The following MDH1B variants were observed in gnomAD, a reference collection of about 807,000 sequenced individuals.
MDH1B encodes malate dehydrogenase 1B.
MDH1B carries 60 observed loss-of-function variants against 61.4 expected under a neutral mutation model. The observed-to-expected ratio is 0.98, with a 90% CI of 0.79 to 1.21. MDH1B has a LOEUF of 1.21. Among genes scored for constraint, MDH1B ranks in the 50% most tolerant of loss-of-function variants. MDH1B has a pLI of 0.00. For missense variants in MDH1B, 587 were observed against 632.1 expected, an observed-to-expected ratio of 0.93 and a Z score of 0.76; for synonymous variants, 236 against 218.7, an observed-to-expected ratio of 1.08 and a Z score of -0.70.
At chr2:206,757,487 A>C (rs374440591) in intron 2 of MDH1B, 116 bp from the exon 3 acceptor site, 7 of 802,612 alleles carry the variant, frequency 8.7e-6, no homozygotes, top group Non-Finnish European at 1.3e-5. Flanking sequence ...CTATATACAC[A>C]TAATATAATT....
At chr2:206,738,828 T>C (rs1687642388) in intron 11 of MDH1B, among the ~76,000 whole-genome samples, 1 of 152,182 alleles carries the variant, frequency 6.6e-6, no homozygotes, top group East Asian at 1.9e-4. Context: ...TTGCTGCTCC[T>C]CTATGTACCA....
intron 2 of MDH1B, among the ~76,000 whole-genome samples, chr2:206,759,490 G>A (rs111363870): frequency 9.1e-4 from 139 of 152,232 alleles, no homozygotes; most frequent in African/African-American, 3.2e-3. Context: ...ATTTTCAGGG[G>A]TATATACACA....
chr2:206,741,459 G>A, intron 9 of MDH1B: 1 of 264,364 alleles, frequency 3.8e-6, no homozygotes, highest in Non-Finnish European at 7.4e-6. Flanking sequence ...TAATCTGGTG[G>A]GCACAATCTA....
chr2:206,755,583 C>T, intron 4 of MDH1B, 78 bp from the exon 5 acceptor site: 1 of 1,493,670 alleles, frequency 6.7e-7, no homozygotes, highest in Non-Finnish European at 9.0e-7. Flanking sequence ...ATAGATATTT[C>T]TGCATGTGCA....
Position 206,749,104 on chromosome 2 carries a change from C to T in MDH1B, c.1132G>A (p.Ala378Thr). 1 of 1,613,544 alleles carries T rather than the reference C, an allele frequency of 6.2e-7. No individual in the cohort carries two copies. The highest frequency in any genetic ancestry group is 8.5e-7 in the Non-Finnish European group (1 of 1,179,458). Residue 378 changes from alanine to threonine, a missense_variant, in exon 7 of 12, where the codon GCA becomes ACA. By Grantham distance (58) the Ala-to-Thr change is moderately conservative. Coordinates refer to ENST00000374412, the MANE Select transcript of MDH1B (RefSeq NM_001039845.3). ...TGRQFGGILAAHSIATTLKYW... is the reference protein window; with the variant it reads ...TGRQFGGILATHSIATTLKYW... The stretch of plus-strand genomic sequence containing the variant: ...TTCAGTGTAGTGGCTATACTGTGTG[C>T]AGCCAAAATGCCTCCAAATTGTCTT...
intron 2 of MDH1B, among the ~76,000 whole-genome samples, chr2:206,758,041 C>G (rs936537091): frequency 6.6e-5 from 10 of 152,284 alleles, no homozygotes; most frequent in African/African-American, 2.2e-4. Context: ...AAACTGATTT[C>G]CTTGCTAATA....
At chr2:206,752,376 C>G (rs12996969) in intron 5 of MDH1B, among the ~76,000 whole-genome samples, 67,662 of 151,984 alleles carry the variant, frequency 0.45, 15,830 homozygotes, top group Non-Finnish European at 0.52. Flanking sequence ...CAGAAGAGAG[C>G]AGGAAACAGA....
chr2:206,761,994 T>C (rs1689123548), intron 1 of MDH1B, among the ~76,000 whole-genome samples: 1 of 152,144 alleles, frequency 6.6e-6, no homozygotes, highest in Non-Finnish European at 1.5e-5. Context: ...CTGGATGAAC[T>C]CAATTACTTG....
intron 2 of MDH1B, among the ~76,000 whole-genome samples, chr2:206,759,392 C>T (rs1366712528): frequency 6.6e-6 from 1 of 152,088 alleles, no homozygotes; most frequent in Admixed American, 6.5e-5. Flanking sequence ...CATTGATAGG[C>T]ATTTGGGTTG....
intron 11 of MDH1B, among the ~76,000 whole-genome samples, chr2:206,738,836 C>T (rs1682168853): frequency 6.6e-6 from 1 of 152,100 alleles, no homozygotes; most frequent in Admixed American, 6.5e-5. Flanking sequence ...CCTCTATGTA[C>T]CAATTCTAAT....
At chr2:206,753,358 T>C (rs1020191214) in intron 5 of MDH1B, among the ~76,000 whole-genome samples, 1 of 152,116 alleles carries the variant, frequency 6.6e-6, no homozygotes, top group Non-Finnish European at 1.5e-5. Context: ...CATGGCTCAC[T>C]TGCAGCCTCA....
At chr2:206,748,913 G>A in intron 7 of MDH1B, 107 bp downstream of exon 7, 3 of 872,418 alleles carry the variant, frequency 3.4e-6, no homozygotes, top group Non-Finnish European at 5.3e-6. Context: ...AGTCCAGGCA[G>A]CTAATGGACC....
At chr2:206,761,052 G>T in intron 1 of MDH1B, 39 bp from the exon 2 acceptor site, 1 of 1,112,130 alleles carries the variant, frequency 9.0e-7, no homozygotes, top group Non-Finnish European at 1.4e-6. Flanking sequence ...CTTTCATCAT[G>T]CAGAAATTAT....
intron 5 of MDH1B, among the ~76,000 whole-genome samples, chr2:206,752,827 CT>C (rs1252081624): frequency 7.2e-6 from 1 of 139,180 alleles, no homozygotes; most frequent in African/African-American, 2.7e-5. Context: ...CATCCTGATT[CT>C]TCTTTAAATA....
chr2:206,763,287 C>T (rs550370313), intron 1 of MDH1B, among the ~76,000 whole-genome samples: 31 of 150,508 alleles, frequency 2.1e-4, no homozygotes, highest in African/African-American at 7.3e-4. Context: ...ATTATTCAAA[C>T]CTCTGCTTGG....
chr2:206,755,801 C>T (rs985854465), intron 4 of MDH1B, among the ~76,000 whole-genome samples: 5 of 151,944 alleles, frequency 3.3e-5, no homozygotes, highest in African/African-American at 9.7e-5. Flanking sequence ...AATAAAAAAA[C>T]TATTATATTA....
At chr2:206,746,136 A>G (rs1479261794) in intron 8 of MDH1B, 151 bp downstream of exon 8, 1 of 576,260 alleles carries the variant, frequency 1.7e-6, no homozygotes, top group Admixed American at 3.6e-5. Flanking sequence ...GTGTTCCTTC[A>G]CTGATTTTTT....
intron 2 of MDH1B, among the ~76,000 whole-genome samples, chr2:206,759,586 TC>T (rs759142531): frequency 2.0e-5 from 3 of 152,224 alleles, no homozygotes; most frequent in Non-Finnish European, 4.4e-5. Context: ...CTCCACAACC[TC>T]GCCAGCATCT....
rs1027589659 is a variant in MDH1B, at chr2:206,738,016, T to A, written c.*467A>T. 5 of 152,722 alleles carry A rather than the reference T, an allele frequency of 3.3e-5. No individual in the cohort carries two copies. The highest frequency in any genetic ancestry group is 1.2e-4 in the African/African-American group (5 of 41,452). 9.5% of individuals were successfully genotyped at this position (152,722 alleles called of 1,614,324 possible). A position where few individuals can be genotyped will look rare whatever the true frequency, so the allele number is the denominator to read the frequency against. On this transcript the variant is annotated 3_prime_UTR_variant, in exon 12 of 12. Transcript: ENST00000374412. ...ACTCACTGGTCTCAGTTCAATTTTT[T>A]TTTGAGAGACAGAGAGAAAATATGA...
Sources: allele counts gnomAD v4.1 joint callset (sites outside exome capture counted in the v4.1 genomes callset), GRCh38; gene constraint gnomAD v4.1.1; transcripts MANE v1.5; gene names NCBI Gene and HGNC (gene_info 2026-07-23, HGNC 2026-07-21).